Variants in NAA60 observed in about 807,000 individuals in gnomAD.
The protein encoded by NAA60 is N-alpha-acetyltransferase 60, NatF catalytic subunit.
In NAA60, 8 loss-of-function variants were observed where a neutral mutation model predicts 26.1. The observed-to-expected ratio is 0.31, with a 90% CI of 0.18 to 0.55. The LOEUF (loss-of-function observed/expected upper bound fraction) is 0.55, where lower values mean the gene tolerates loss of function less well. Among genes scored for constraint, NAA60 ranks in the 20% least tolerant of loss-of-function variants. NAA60 has a pLI of 0.93. For synonymous variants in NAA60, 131 were observed against 122.5 expected (o/e 1.07, Z -0.46); for missense variants, 290 against 311.3 (o/e 0.93, Z 0.51).
chr16:3,480,552 G>A lies in NAA60; in HGVS notation c.240+952G>A, dbSNP rs141993056. On this transcript the variant is annotated intron_variant, in intron 4 of 7. Transcript: ENST00000407558. ...GCAGAGGTTGCAGTGAGCCGAGATC[G>A]TGCCATTGCACTCCAGCCCGAGGGA... 7.4e-3 allele frequency among the ~76,000 whole-genome samples: 1,127 copies of A among 151,298 alleles called. 7 individuals are homozygous for A. The highest frequency in any genetic ancestry group is 0.012 in the Non-Finnish European group (800 of 67,894).
intron 2 of NAA60, among the ~76,000 whole-genome samples, chr16:3,451,969 A>C (rs2034804235): frequency 6.6e-6 from 1 of 150,394 alleles, no homozygotes; most frequent in Non-Finnish European, 1.5e-5. Context: ...GAATCCCAGC[A>C]CTTTGGGAGG....
intron 4 of NAA60, among the ~76,000 whole-genome samples, chr16:3,481,562 AC>A (rs2036837521): frequency 6.6e-6 from 1 of 152,164 alleles, no homozygotes; most frequent in Non-Finnish European, 1.5e-5. Context: ...CTCGAGGCCG[AC>A]ATGGGGACCC....
intron 1 of NAA60, among the ~76,000 whole-genome samples, chr16:3,447,106 G>A (rs946614953): frequency 1.3e-5 from 2 of 152,214 alleles, no homozygotes; most frequent in African/African-American, 2.4e-5. Context: ...CTCCCAAAGT[G>A]CTGGGATTAC....
At chr16:3,479,630 C>T in intron 4 of NAA60, 30 bp downstream of exon 4, 1 of 1,610,682 alleles carries the variant, frequency 6.2e-7, no homozygotes, top group Non-Finnish European at 8.5e-7. Flanking sequence ...GAGGACTTGG[C>T]AGTCACTGTC....
intron 3 of NAA60, among the ~76,000 whole-genome samples, chr16:3,477,527 G>A (rs146065997): frequency 6.6e-6 from 1 of 151,434 alleles, no homozygotes; most frequent in Non-Finnish European, 1.5e-5. Flanking sequence ...TTGGCTGGGC[G>A]CAGTGGCTCA....
At chr16:3,472,663 G>C (rs1384376025) in intron 2 of NAA60, among the ~76,000 whole-genome samples, 4 of 152,136 alleles carry the variant, frequency 2.6e-5, no homozygotes, top group Non-Finnish European at 5.9e-5. Flanking sequence ...TTGAACTCCT[G>C]ACCTCATGAT....
At chr16:3,464,777 T>C (rs37768) in intron 2 of NAA60, among the ~76,000 whole-genome samples, 19,904 of 152,192 alleles carry the variant, frequency 0.13, 1,655 homozygotes, top group Non-Finnish European at 0.19. Context: ...CAATCTGAGT[T>C]AGGAAATATA....
chr16:3,447,758 G>A (rs771594484), intron 1 of NAA60: 164 of 411,958 alleles, frequency 4.0e-4, no homozygotes, highest in Non-Finnish European at 5.2e-4. Flanking sequence ...AGTCATGCCT[G>A]CAAGAACAAG....
intron 3 of NAA60, among the ~76,000 whole-genome samples, chr16:3,479,162 C>T (rs908944288): frequency 1.3e-5 from 2 of 152,158 alleles, no homozygotes; most frequent in Admixed American, 1.3e-4. Flanking sequence ...ATCGATTGAA[C>T]CCAGGAGGCA....
At chr16:3,455,084 C>T (rs575133235) in intron 2 of NAA60, among the ~76,000 whole-genome samples, 70 of 152,166 alleles carry the variant, frequency 4.6e-4, no homozygotes, top group Non-Finnish European at 7.9e-4. Context: ...GAGACTGTCA[C>T]TTTGTTGCCC....
intron 2 of NAA60, among the ~76,000 whole-genome samples, chr16:3,471,444 A>G (rs1690451): frequency 0.13 from 20,098 of 152,176 alleles, 1,693 homozygotes; most frequent in Non-Finnish European, 0.19. Context: ...CGGAGCTTGC[A>G]GTGAACCGAG....
chr16:3,482,093 A>G (rs922189406), intron 4 of NAA60, among the ~76,000 whole-genome samples: 17 of 152,252 alleles, frequency 1.1e-4, no homozygotes, highest in African/African-American at 3.9e-4. Context: ...CTGAACCTCT[A>G]AAACTTTGCA....
intron 2 of NAA60, chr16:3,458,066 C>T: frequency 1.0e-6 from 1 of 985,352 alleles, no homozygotes; most frequent in Non-Finnish European, 1.2e-6. Flanking sequence ...GGCTGCGGCC[C>T]CTGCCGGTTA....
intron 4 of NAA60, 88 bp from the exon 5 acceptor site, chr16:3,482,414 G>T (rs1271231072): frequency 1.8e-6 from 2 of 1,085,266 alleles, no homozygotes; most frequent in African/African-American, 1.6e-5. Flanking sequence ...GTCGTGGGAA[G>T]TCGGTGCGGA....
chr16:3,482,491 T>C lies in NAA60; in HGVS notation c.241-11T>C. On this transcript the variant is annotated splice_polypyrimidine_tract_variant and intron_variant, in intron 4 of 7. Transcript: ENST00000407558. Reference sequence around the variant, plus strand: ...GTGTGAGCCTGACTTTCTCTCTGACTCTTCCTCTAGGATGGAGATATTCTA... The same window carrying C: ...GTGTGAGCCTGACTTTCTCTCTGACCCTTCCTCTAGGATGGAGATATTCTA... 1 of 1,587,016 alleles carries C rather than the reference T, an allele frequency of 6.3e-7. No homozygotes were observed. The highest frequency in any genetic ancestry group is 8.6e-7 in the Non-Finnish European group (1 of 1,165,116).
intron 2 of NAA60, among the ~76,000 whole-genome samples, chr16:3,463,956 C>T (rs972583844): frequency 2.0e-5 from 3 of 152,222 alleles, no homozygotes; most frequent in Admixed American, 1.3e-4. Flanking sequence ...AATACAGAAA[C>T]AAGTGATACA....
At chr16:3,445,276 CTTT>C (rs960897042) in intron 1 of NAA60, among the ~76,000 whole-genome samples, 2 of 118,454 alleles carry the variant, frequency 1.7e-5, no homozygotes, top group Non-Finnish European at 1.6e-5. Context: ...GTGCTTATCT[CTTT>C]TTTTTTTTTT....
At chr16:3,475,454 C>A (rs546040733) in intron 2 of NAA60, among the ~76,000 whole-genome samples, 2 of 152,090 alleles carry the variant, frequency 1.3e-5, no homozygotes, top group Admixed American at 6.6e-5. Flanking sequence ...TTCCCCTTCT[C>A]GGTGCCCAGC....
rs183888578 is a variant in NAA60, at chr16:3,463,256, T to C, written c.-6-12966T>C. On this transcript the variant is annotated intron_variant, in intron 2 of 7. Coordinates refer to ENST00000407558, the MANE Select transcript of NAA60 (RefSeq NM_001083601.3). ...CTGTGAGGTTATTTTAATATAAAAA[T>C]GCAAGCTGAGGCCGGGCCCGGTGGC... 3.0e-3 allele frequency among the ~76,000 whole-genome samples: 453 copies of C among 152,074 alleles called. 2 individuals are homozygous for C. Among genetic ancestry groups the C allele is most frequent in the Non-Finnish European group, 5.4e-3 (367 of 67,980 alleles).
Sources: allele counts gnomAD v4.1 joint callset (sites outside exome capture counted in the v4.1 genomes callset), GRCh38; gene constraint gnomAD v4.1.1; transcripts MANE v1.5; gene names NCBI Gene and HGNC (gene_info 2026-07-23, HGNC 2026-07-21).